RYR3: variants seen among roughly 807,000 people sequenced by gnomAD.
RYR3 encodes brain ryanodine receptor-calcium release channel.
In RYR3, 207 loss-of-function variants were observed where a neutral mutation model predicts 584.3. That is an observed-to-expected ratio of 0.35 (90% CI 0.32 to 0.40). The LOEUF (loss-of-function observed/expected upper bound fraction) is 0.40, where lower values mean the gene tolerates loss of function less well. Ranked by LOEUF, RYR3 falls within the 10% of genes least tolerant of loss-of-function variation. The pLI is 1.00. For synonymous variants in RYR3, 2,416 were observed against 2,248.5 expected, an observed-to-expected ratio of 1.07 and a Z score of -2.11; for missense variants, 5,616 against 6,089.2, an observed-to-expected ratio of 0.92 and a Z score of 2.59.
chr15:33,559,174 T>G (rs2057269819), intron 10 of RYR3, among the ~76,000 whole-genome samples: 1 of 152,136 alleles, frequency 6.6e-6, no homozygotes, highest in East Asian at 1.9e-4. Flanking sequence ...AGATGAGTCC[T>G]TGACCATTTT....
At chr15:33,617,600 C>G (rs898322442) in intron 19 of RYR3, among the ~76,000 whole-genome samples, 1 of 152,202 alleles carries the variant, frequency 6.6e-6, no homozygotes, top group African/African-American at 2.4e-5. Context: ...TTTTTAACTT[C>G]CGTATGGCTT....
chr15:33,518,474 G>C (rs1198924054), intron 3 of RYR3, among the ~76,000 whole-genome samples: 2 of 151,690 alleles, frequency 1.3e-5, no homozygotes, highest in Non-Finnish European at 2.9e-5. Flanking sequence ...CCCTCCTCTC[G>C]CAGGAGCTCT....
At chr15:33,722,610 A>G in intron 43 of RYR3, 105 bp from the exon 44 acceptor site, 2 of 1,100,892 alleles carry the variant, frequency 1.8e-6, no homozygotes, top group Non-Finnish European at 2.7e-6. Context: ...AAAACAGAGT[A>G]GGTGATAAGC....
chr15:33,409,296 AT>A (rs1471216842), intron 1 of RYR3, among the ~76,000 whole-genome samples: 1 of 151,500 alleles, frequency 6.6e-6, no homozygotes, highest in Non-Finnish European at 1.5e-5. Flanking sequence ...AAATAAATAA[AT>A]AAGTAAAAAA....
Position 33,864,186 on chromosome 15 carries a change from T to C in RYR3, c.14514T>C (p.Gly4838=). The C allele has an allele frequency of 6.2e-7, 1 of 1,610,464 alleles. No individual in the cohort carries two copies. Among genetic ancestry groups the C allele is most frequent in the South Asian group, 1.1e-5 (1 of 90,378 alleles). ...ATAAAGATGAAACAGAGCACACGGG[T>C]CAGGTGAGAAATTAAGAATCATATA... ...LINKDETEHT[G]QESYVWKMYQ... Residue 4838 remains glycine (G), a synonymous_variant, in exon 103 of 104, where the codon GGT becomes GGC. Coordinates refer to ENST00000634891, the MANE Select transcript of RYR3 (RefSeq NM_001036.6).
chr15:33,490,551 C>T (rs965332342), intron 2 of RYR3, among the ~76,000 whole-genome samples: 1 of 152,076 alleles, frequency 6.6e-6, no homozygotes, highest in Non-Finnish European at 1.5e-5. Context: ...AGAGTAGTCA[C>T]TTCAGACTTG....
chr15:33,701,237 CACA>C (rs1242020863), intron 42 of RYR3, among the ~76,000 whole-genome samples, 157 bp downstream of exon 42: 2 of 152,006 alleles, frequency 1.3e-5, no homozygotes, highest in African/African-American at 4.8e-5. Flanking sequence ...CCGGTAGCAG[CACA>C]ACGATTATGA....
chr15:33,437,495 A>G (rs2141834384), intron 1 of RYR3, among the ~76,000 whole-genome samples: 1 of 152,372 alleles, frequency 6.6e-6, no homozygotes, highest in East Asian at 1.9e-4. Flanking sequence ...CCTTATCCCT[A>G]AATTTTATTG....
intron 2 of RYR3, among the ~76,000 whole-genome samples, chr15:33,477,371 G>T (rs2049474313): frequency 6.6e-6 from 1 of 152,136 alleles, no homozygotes; most frequent in South Asian, 2.1e-4. Flanking sequence ...TAAAGGGCAT[G>T]AGTATAATAA....
chr15:33,757,802 T>G, intron 60 of RYR3: 1 of 590,366 alleles, frequency 1.7e-6, no homozygotes. Context: ...GGAGTACCCG[T>G]GGGGCTTGGG....
intron 1 of RYR3, among the ~76,000 whole-genome samples, chr15:33,405,258 C>T (rs1262975286): frequency 6.6e-6 from 1 of 152,170 alleles, no homozygotes; most frequent in African/African-American, 2.4e-5. Context: ...ATGGTTCTGG[C>T]ATTGGAGACT....
rs757249883 is a variant in RYR3, at chr15:33,810,490, A to G, written c.10038A>G (p.Gln3346=). Residue 3346 remains glutamine, a synonymous_variant, in exon 71 of 104, where the codon CAA becomes CAG. Coordinates refer to ENST00000634891, the MANE Select transcript of RYR3 (RefSeq NM_001036.6). ...SKAMQVKSGG[Q]DQERKKTKRR... ...ACATCATCTCCTAGTCTGGAGGACA[A>G]GACCAGGAGCGGAAGAAGACAAAGC... is the stretch of plus-strand genomic sequence containing the variant. 8.7e-6 allele frequency: 14 copies of G among 1,613,912 alleles called. No homozygotes were observed. Among genetic ancestry groups the G allele is most frequent in the Non-Finnish European group, 1.2e-5 (14 of 1,179,884 alleles).
At position 33,807,557 on chromosome 15, in the gene RYR3, C is replaced by T. The variant is rs1291026654; in HGVS notation, c.10014C>T (p.Ala3338=). Residue 3338 remains alanine (A), a splice_region_variant and synonymous_variant, in exon 70 of 104, where the codon GCC becomes GCT. Transcript: ENST00000634891. Reference sequence around the variant, plus strand: ...TTTTCTTTTGTCTTTCCACACAGGCCATGCAAGTAAAGGTACAGGTCAAAT... The same window carrying T: ...TTTTCTTTTGTCTTTCCACACAGGCTATGCAAGTAAAGGTACAGGTCAAAT... ...TGDSKSKMSK[A]MQVKSGGQDQ... is the part of the protein sequence containing the mutation. 9 of 1,551,802 alleles carry T rather than the reference C, an allele frequency of 5.8e-6. No individual in the cohort carries two copies. The highest frequency in any genetic ancestry group is 7.8e-6 in the Non-Finnish European group (9 of 1,147,050).
intron 1 of RYR3, among the ~76,000 whole-genome samples, chr15:33,360,993 G>A (rs1464654486): frequency 6.6e-6 from 1 of 152,168 alleles, no homozygotes; most frequent in Middle Eastern, 3.2e-3. Flanking sequence ...TCAGCACCGA[G>A]CAGTAATGGC....
At chr15:33,646,182 G>C (rs532296078) in intron 28 of RYR3, 169 bp from the exon 29 acceptor site, 21 of 553,844 alleles carry the variant, frequency 3.8e-5, no homozygotes, top group Non-Finnish European at 6.0e-5. Flanking sequence ...TTCTTCCTAC[G>C]GGACAAGGCC....
At chr15:33,519,471 C>A (rs192015302) in intron 3 of RYR3, among the ~76,000 whole-genome samples, 27 of 152,126 alleles carry the variant, frequency 1.8e-4, no homozygotes, top group African/African-American at 6.5e-4. Flanking sequence ...AAGTGCTTGC[C>A]GACTGCATGC....
At chr15:33,315,499 C>T (rs1567011365) in intron 1 of RYR3, among the ~76,000 whole-genome samples, 1 of 152,162 alleles carries the variant, frequency 6.6e-6, no homozygotes, top group Non-Finnish European at 1.5e-5. Flanking sequence ...ACTGTAAGCT[C>T]TCCTGCTGAG....
At chr15:33,566,010 G>T (rs561289275) in intron 11 of RYR3, among the ~76,000 whole-genome samples, 2 of 152,338 alleles carry the variant, frequency 1.3e-5, no homozygotes, top group Admixed American at 6.5e-5. Flanking sequence ...TCTAAGATAA[G>T]TCTATTTGCA....
At chr15:33,568,824 C>T (rs2057860770) in intron 12 of RYR3, among the ~76,000 whole-genome samples, 1 of 152,198 alleles carries the variant, frequency 6.6e-6, no homozygotes, top group Non-Finnish European at 1.5e-5. Flanking sequence ...AAAATATCTC[C>T]TATGCTCATT....
Sources: allele counts gnomAD v4.1 joint callset (sites outside exome capture counted in the v4.1 genomes callset), GRCh38; gene constraint gnomAD v4.1.1; transcripts MANE v1.5; gene names NCBI Gene and HGNC (gene_info 2026-07-23, HGNC 2026-07-21).